Variants in DCDC2C observed in about 807,000 individuals in gnomAD.
DCDC2C encodes doublecortin domain-containing protein 2C.
A neutral mutation model predicts 45.0 loss-of-function variants in DCDC2C; 44 were observed. The observed-to-expected ratio is 0.98, with a 90% CI of 0.77 to 1.26. The LOEUF is 1.26. DCDC2C is among the 50% of genes most tolerant of loss of function. The probability of loss-of-function intolerance (pLI) is 0.00; values close to 1 mark genes in which losing one functional copy is unlikely to be tolerated. For missense variants in DCDC2C, 447 were observed against 468.9 expected (o/e 0.95, Z 0.43); for synonymous variants, 187 against 178.8 (o/e 1.05, Z -0.37).
chr2:3,788,789 C>T (rs199831696), intron 10 of DCDC2C, among the ~76,000 whole-genome samples: 19,092 of 105,148 alleles, frequency 0.18, 1,414 homozygotes, highest in East Asian at 0.42. Flanking sequence ...TCCCTTTCTT[C>T]CTCCCTTCCT....
chr2:3,750,207 G>A (rs1009016005), intron 4 of DCDC2C, among the ~76,000 whole-genome samples: 2 of 152,088 alleles, frequency 1.3e-5, no homozygotes, highest in African/African-American at 2.4e-5. Context: ...ACATAAGCAC[G>A]ATTTTCTGTC....
intron 4 of DCDC2C, among the ~76,000 whole-genome samples, chr2:3,751,473 G>A (rs999161526): frequency 2.0e-5 from 3 of 152,300 alleles, no homozygotes; most frequent in Admixed American, 6.5e-5. Context: ...CTCCAGGGTC[G>A]GTCTCAGGCA....
intron 6 of DCDC2C, among the ~76,000 whole-genome samples, chr2:3,755,826 G>A (rs1239380109): frequency 2.6e-5 from 4 of 152,068 alleles, no homozygotes; most frequent in African/African-American, 9.7e-5. Context: ...ATGTGTGCAT[G>A]AGTACATATG....
At chr2:3,731,788 T>G (rs1256786874) in intron 3 of DCDC2C, among the ~76,000 whole-genome samples, 1 of 152,196 alleles carries the variant, frequency 6.6e-6, no homozygotes, top group Non-Finnish European at 1.5e-5. Flanking sequence ...TTAGACTGAT[T>G]TCCCATGAAC....
intron 10 of DCDC2C, among the ~76,000 whole-genome samples, chr2:3,825,281 C>T (rs927164984): frequency 6.6e-6 from 1 of 152,144 alleles, no homozygotes; most frequent in Admixed American, 6.5e-5. Flanking sequence ...TAGCAGAAAT[C>T]TTCTTAGGCC....
At chr2:3,776,827 C>T (rs1488575159) in intron 8 of DCDC2C, among the ~76,000 whole-genome samples, 1 of 152,334 alleles carries the variant, frequency 6.6e-6, no homozygotes, top group Admixed American at 6.5e-5. Flanking sequence ...CTCGCGGTCT[C>T]CTTCCCCTGT....
chr2:3,703,874 C>G lies in DCDC2C; in HGVS notation c.123C>G (p.Ala41=). ...TCGTGCTGTCGCGGCGCCGCGCGGC[C>G]ACCTTCGAGGCGCTGCTGGAGCAGC... ...KKFVLSRRRA[A]TFEALLEQLT... Residue 41 remains alanine (A), a synonymous_variant, in exon 1 of 11, where the codon GCC becomes GCG. Transcript: ENST00000399143. The surrounding 1 kb of genome is among the most constrained non-coding windows in gnomAD (Gnocchi z 4.4). 5 of 1,296,960 alleles carry G rather than the reference C, an allele frequency of 3.9e-6. No individual in the cohort carries two copies. Among genetic ancestry groups the G allele is most frequent in the Non-Finnish European group, 4.9e-6 (5 of 1,017,742 alleles). 80.3% of individuals were successfully genotyped at this position (1,296,960 alleles called of 1,614,324 possible).
At chr2:3,836,777 A>G (rs185565057) in intron 10 of DCDC2C, among the ~76,000 whole-genome samples, 5,679 of 151,296 alleles carry the variant, frequency 0.038, 313 homozygotes, top group African/African-American at 0.13. Flanking sequence ...CAGGAGAATG[A>G]CGTGAACCCG....
chr2:3,726,813 G>A (rs1445066369), intron 2 of DCDC2C, among the ~76,000 whole-genome samples, 190 bp from the exon 3 acceptor site: 4 of 151,890 alleles, frequency 2.6e-5, no homozygotes, highest in Admixed American at 2.0e-4. Context: ...GCACTTGCTG[G>A]CATCTTCTCC....
intron 3 of DCDC2C, 70 bp from the exon 4 acceptor site, chr2:3,741,850 A>G: frequency 7.0e-7 from 1 of 1,433,584 alleles, no homozygotes; most frequent in East Asian, 2.5e-5. Flanking sequence ...AATTGTATAT[A>G]TATTGAATTT....
chr2:3,783,768 A>G (rs1670575549), intron 9 of DCDC2C, among the ~76,000 whole-genome samples: 1 of 152,224 alleles, frequency 6.6e-6, no homozygotes, highest in Admixed American at 6.5e-5. Flanking sequence ...GCGTGGCCCC[A>G]GTAGAGGGGA....
At chr2:3,732,569 C>T (rs1246719855) in intron 3 of DCDC2C, among the ~76,000 whole-genome samples, 1 of 152,072 alleles carries the variant, frequency 6.6e-6, no homozygotes, top group Non-Finnish European at 1.5e-5. Context: ...TTCCAAAATA[C>T]CAGATCTCAT....
chr2:3,772,856 A>G (rs898720688), intron 8 of DCDC2C, among the ~76,000 whole-genome samples: 1 of 152,188 alleles, frequency 6.6e-6, no homozygotes, highest in African/African-American at 2.4e-5. Context: ...GGAAGTTCAC[A>G]CTGGCGTTTC....
intron 2 of DCDC2C, among the ~76,000 whole-genome samples, chr2:3,709,500 T>A (rs924097669): frequency 1.3e-5 from 2 of 152,240 alleles, no homozygotes; most frequent in African/African-American, 4.8e-5. Flanking sequence ...TTCCGCTGCC[T>A]TCTTGGAGTC....
At chr2:3,737,212 G>A (rs780167993) in intron 3 of DCDC2C, among the ~76,000 whole-genome samples, 3 of 152,174 alleles carry the variant, frequency 2.0e-5, no homozygotes, top group Non-Finnish European at 4.4e-5. Context: ...CAGAGATAGA[G>A]CTATTTAGTT....
rs113438332 is a variant in DCDC2C, at chr2:3,803,888, G to A, written c.1065+18788G>A. ...CACTCTTCTGACTTCATGTACCCTT[G>A]CATGCAGGTGACTCTTCCGTGTTTT... On this transcript the variant is annotated intron_variant, in intron 10 of 10. Coordinates refer to ENST00000399143, the MANE Select transcript of DCDC2C (RefSeq NM_001287444.2). Among the ~76,000 whole-genome samples, 1,386 of 152,276 alleles carry A rather than the reference G, an allele frequency of 9.1e-3. 17 individuals are homozygous for A. The highest frequency in any genetic ancestry group is 0.032 in the African/African-American group (1,322 of 41,540).
At chr2:3,794,589 C>G (rs1670909122) in intron 10 of DCDC2C, among the ~76,000 whole-genome samples, 1 of 150,780 alleles carries the variant, frequency 6.6e-6, no homozygotes, top group African/African-American at 2.4e-5. Flanking sequence ...TTGCTCAATT[C>G]CCACCTATGA....
At chr2:3,839,210 C>A (rs1181414114) in intron 10 of DCDC2C, among the ~76,000 whole-genome samples, 1 of 152,140 alleles carries the variant, frequency 6.6e-6, no homozygotes, top group Non-Finnish European at 1.5e-5. Flanking sequence ...AACGTTCTAA[C>A]CCACAGAGAA....
At chr2:3,793,717 G>A (rs748275055) in intron 10 of DCDC2C, among the ~76,000 whole-genome samples, 3 of 152,294 alleles carry the variant, frequency 2.0e-5, no homozygotes, top group South Asian at 2.1e-4. Context: ...TATCAGGCAC[G>A]CCACATTCTA....
Sources: allele counts gnomAD v4.1 joint callset (sites outside exome capture counted in the v4.1 genomes callset), GRCh38; gene constraint gnomAD v4.1.1; non-coding constraint Gnocchi (gnomAD v3.1); transcripts MANE v1.5; gene names NCBI Gene and HGNC (gene_info 2026-07-23, HGNC 2026-07-21).